Variants in PLEKHA7 observed in about 807,000 individuals in gnomAD.
PLEKHA7 encodes the protein pleckstrin homology domain containing A7, also known as pleckstrin homology domain-containing family A member 7.
A neutral mutation model predicts 170.0 loss-of-function variants in PLEKHA7; 104 were observed. The observed-to-expected ratio is 0.61, with a 90% CI of 0.52 to 0.72. The LOEUF (loss-of-function observed/expected upper bound fraction) is 0.72, where lower values mean the gene tolerates loss of function less well. PLEKHA7 is among the 30% of genes least tolerant of loss of function. PLEKHA7 has a pLI of 0.00. For synonymous variants in PLEKHA7, 648 were observed against 660.8 expected (o/e 0.98, Z 0.30); for missense variants, 1,615 against 1,671.7 (o/e 0.97, Z 0.59).
intron 3 of PLEKHA7, among the ~76,000 whole-genome samples, chr11:16,910,880 T>C (rs1375344590): frequency 6.6e-6 from 1 of 152,240 alleles, no homozygotes; most frequent in Admixed American, 6.5e-5. Flanking sequence ...TGGACTTGGC[T>C]TTGAGTTCTT....
chr11:16,921,981 A>G (rs1218958109), intron 3 of PLEKHA7, among the ~76,000 whole-genome samples: 2 of 152,208 alleles, frequency 1.3e-5, no homozygotes, highest in African/African-American at 2.4e-5. Context: ...CTTCAGCAGG[A>G]GTTTGAGCAG....
chr11:16,958,181 G>T (rs1861825179), intron 3 of PLEKHA7, among the ~76,000 whole-genome samples: 1 of 152,052 alleles, frequency 6.6e-6, no homozygotes, highest in South Asian at 2.1e-4. Context: ...GCTGAGCATG[G>T]TGGCACACAC....
intron 3 of PLEKHA7, among the ~76,000 whole-genome samples, chr11:16,997,186 C>A (rs1430319366): frequency 6.6e-6 from 1 of 152,084 alleles, no homozygotes; most frequent in Non-Finnish European, 1.5e-5. Context: ...TCTAACAATA[C>A]CCCTGAGGTG....
chr11:16,841,900 C>T (rs1409431170), intron 8 of PLEKHA7, among the ~76,000 whole-genome samples, 178 bp from the exon 9 acceptor site: 2 of 151,862 alleles, frequency 1.3e-5, no homozygotes, highest in African/African-American at 4.9e-5. Context: ...CAGCCAGGCC[C>T]AGTGACAGCT....
At chr11:16,832,385 G>C (rs1342002633) in intron 9 of PLEKHA7, among the ~76,000 whole-genome samples, 1 of 152,178 alleles carries the variant, frequency 6.6e-6, no homozygotes, top group Non-Finnish European at 1.5e-5. Context: ...AATGCTATTT[G>C]TCTGTTTAGA....
At chr11:16,841,411 A>T (rs1851946187) in intron 9 of PLEKHA7, 136 bp downstream of exon 9, 1 of 986,630 alleles carries the variant, frequency 1.0e-6, no homozygotes, top group Non-Finnish European at 1.4e-6. Context: ...TTTTTGTTTA[A>T]TGAAGAAAGT....
At chr11:16,831,756 G>A (rs1851128905) in intron 9 of PLEKHA7, among the ~76,000 whole-genome samples, 1 of 152,204 alleles carries the variant, frequency 6.6e-6, no homozygotes, top group African/African-American at 2.4e-5. Context: ...TCTATAAAAT[G>A]GGATAACAGT....
At chr11:17,013,879 C>T (rs1865480989) in intron 3 of PLEKHA7, 110 bp downstream of exon 3, 1 of 1,254,918 alleles carries the variant, frequency 8.0e-7, no homozygotes, top group African/African-American at 1.6e-5. Context: ...CAGCGCGCGC[C>T]AACGAGCCCG....
rs534449160 is a variant in PLEKHA7 at position 16,857,446 on chromosome 11, A to G, written c.306-1532T>C. ...CCACTGGGAGGGAGAATGTCACCAC[A>G]TTTGCTGTTGGCAGAGGCTGTGTGC... is the stretch of plus-strand genomic sequence containing the variant. On this transcript the variant is annotated intron_variant, in intron 4 of 26. Coordinates refer to ENST00000531066, the MANE Select transcript of PLEKHA7 (RefSeq NM_001329630.2). 2.1e-4 allele frequency among the ~76,000 whole-genome samples: 32 copies of G among 152,324 alleles called. No homozygotes were observed. In the East Asian group the frequency reaches 3.9e-3, roughly 18 times the overall value.
rs1225819994 is a variant in PLEKHA7 at position 16,794,950 on chromosome 11, T to C, written c.2478A>G (p.Lys826=). 8 of 1,613,664 alleles carry C rather than the reference T, an allele frequency of 5.0e-6. No individual in the cohort carries two copies. Among genetic ancestry groups the C allele is most frequent in the Non-Finnish European group, 6.8e-6 (8 of 1,179,814 alleles). Residue 826 remains lysine, a synonymous_variant, in exon 18 of 27, where the codon AAA becomes AAG. Transcript: ENST00000531066. ...EDVTAGLSAN[K]ENFRILVESV... The stretch of plus-strand genomic sequence containing the variant: ...ACTCCACTAGAATTCTGAAGTTCTC[T>C]TTATTTGCACTCAGGCCTGCAGTGA...
rs950154058 is a variant in PLEKHA7 at position 16,906,511 on chromosome 11, CG to C, written c.222-35330del. Among the ~76,000 whole-genome samples the C allele has an allele frequency of 1.1e-4, 15 of 139,456 alleles. 2 individuals carry two copies. The highest frequency in any genetic ancestry group is 4.7e-4 in the African/African-American group (15 of 31,928). The allele number at this position is 139,456 out of a possible 152,430, so 91.5% of individuals were successfully genotyped here. On this transcript the variant is annotated intron_variant, in intron 3 of 26. Transcript: ENST00000531066. ...GGTTTTCGTATTTTTTTGGTGGAGA[CG>C]GGGTTTCGCTGTGTTGGCCAGGCTG...
chr11:16,912,496 G>A (rs1384629515), intron 3 of PLEKHA7, among the ~76,000 whole-genome samples: 1 of 152,208 alleles, frequency 6.6e-6, no homozygotes, highest in East Asian at 1.9e-4. Context: ...CAGAGAACTA[G>A]CTTCTTTACT....
chr11:16,919,946 C>T (rs1858966315), intron 3 of PLEKHA7, among the ~76,000 whole-genome samples: 1 of 152,272 alleles, frequency 6.6e-6, no homozygotes, highest in East Asian at 1.9e-4. Context: ...TGATACCAGC[C>T]GTTTTTCATA....
At chr11:16,810,343 G>C (rs1156317771) in intron 13 of PLEKHA7, among the ~76,000 whole-genome samples, 1 of 152,208 alleles carries the variant, frequency 6.6e-6, no homozygotes, top group Non-Finnish European at 1.5e-5. Flanking sequence ...GTCTGAGCAG[G>C]GCAGAGCAGG....
At chr11:16,965,584 T>A (rs1345173113) in intron 3 of PLEKHA7, among the ~76,000 whole-genome samples, 1 of 152,090 alleles carries the variant, frequency 6.6e-6, no homozygotes, top group East Asian at 1.9e-4. Context: ...GAATGGGCAG[T>A]GTATTTTCTT....
chr11:16,951,828 C>T (rs1253199235), intron 3 of PLEKHA7, among the ~76,000 whole-genome samples: 1 of 152,198 alleles, frequency 6.6e-6, no homozygotes, highest in African/African-American at 2.4e-5. Flanking sequence ...TGATAAAGTG[C>T]TGGTGAAGGT....
chr11:16,779,457 C>T (rs75531784), intron 26 of PLEKHA7, among the ~76,000 whole-genome samples: 96 of 152,312 alleles, frequency 6.3e-4, no homozygotes, highest in African/African-American at 2.3e-3. Flanking sequence ...AATCTTACAG[C>T]CATGGGGGCA....
chr11:16,826,391 G>A lies in PLEKHA7; in HGVS notation c.1072C>T (p.Arg358Trp), dbSNP rs371698539. The change falls in exon 10 of 27, where the codon CGG (arginine) becomes TGG (tryptophan). Residue 358 changes from arginine to tryptophan, a missense_variant. Transcript: ENST00000531066. Reference sequence around the variant, plus strand: ...GAGTACGGAGACCTGGCCTTGCTCCGGTCCCGCTTGCCCTCCAGTGGGTCC... The same window carrying A: ...GAGTACGGAGACCTGGCCTTGCTCCAGTCCCGCTTGCCCTCCAGTGGGTCC... ...QRDPLEGKRDRSKARSPYSPA... is the reference protein window; with the variant it reads ...QRDPLEGKRDWSKARSPYSPA... 8.2e-5 allele frequency: 133 copies of A among 1,614,216 alleles called. No individual in the cohort carries two copies. The highest frequency in any genetic ancestry group is 1.6e-4 in the Middle Eastern group (1 of 6,062).
chr11:17,013,950 C>A (rs928637899), intron 3 of PLEKHA7, 39 bp downstream of exon 3: 18 of 1,510,282 alleles, frequency 1.2e-5, no homozygotes, highest in Non-Finnish European at 1.3e-5. Context: ...ACCCCCCCCC[C>A]GCGGCACAGG....
Sources: allele counts gnomAD v4.1 joint callset (sites outside exome capture counted in the v4.1 genomes callset), GRCh38; gene constraint gnomAD v4.1.1; transcripts MANE v1.5; gene names NCBI Gene and HGNC (gene_info 2026-07-23, HGNC 2026-07-21).